The following ROS1 variants were observed in gnomAD, a reference collection of about 807,000 sequenced individuals.
The protein encoded by ROS1 is proto-oncogene tyrosine-protein kinase ROS.
In ROS1, 263 loss-of-function variants were observed where a neutral mutation model predicts 273.5. The ratio of observed to expected loss-of-function variants is 0.96; its 90% CI spans 0.87 to 1.06. ROS1 has a LOEUF of 1.06. Ranked by LOEUF, ROS1 falls within the 50% of genes least tolerant of loss-of-function variation. The pLI is 0.00. For missense variants in ROS1, 2,833 were observed against 2,751.1 expected, an observed-to-expected ratio of 1.03 and a Z score of -0.67; for synonymous variants, 1,008 against 954.1, an observed-to-expected ratio of 1.06 and a Z score of -1.04.
chr6:117,341,613 G>A lies in ROS1; in HGVS notation c.4671C>T (p.Leu1557=), dbSNP rs1353980937. The change falls in exon 30 of 44, where the codon CTC becomes CTT. Residue 1557 remains leucine, a synonymous_variant. Coordinates refer to ENST00000368507, the MANE Select transcript of ROS1 (RefSeq NM_001378902.1). ...TKNGVPEAVQ[L]INTTVRSDTS... is the part of the protein sequence containing the mutation. ...TGTCTGACCGCACAGTTGTATTAAT[G>A]AGCTGCACTGCCTCTGGTACTGAAA... 6.2e-7 allele frequency: 1 copy of A among 1,612,996 alleles called. No homozygotes were observed. The highest frequency in any genetic ancestry group is 1.7e-5 in the Admixed American group (1 of 59,948).
chr6:117,327,299 C>A (rs768335292), intron 33 of ROS1, among the ~76,000 whole-genome samples: 5 of 152,094 alleles, frequency 3.3e-5, no homozygotes, highest in Non-Finnish European at 7.4e-5. Context: ...AGCTGTTCCC[C>A]GGAGCTGAGG....
Position 117,379,066 on chromosome 6 carries a change from C to T in ROS1, c.2575G>A (p.Gly859Arg). 6.2e-7 allele frequency: 1 copy of T among 1,605,556 alleles called. No homozygotes were observed. The highest frequency in any genetic ancestry group is 8.5e-7 in the Non-Finnish European group (1 of 1,174,232). ...CIHLYTAVLR[G>R]QSTGDTTITE... is the part of the protein sequence containing the mutation. ...TTGAGGGACTCTACTTACCTCTGTC[C>T]CCGAAGAACAGCTGTGTACAGGTGA... Residue 859 changes from glycine (G) to arginine (R), a missense_variant, in exon 18 of 44, where the codon GGA becomes AGA. By Grantham distance (125) the Gly-to-Arg change is moderately radical (BLOSUM62 -2). Transcript: ENST00000368507.
chr6:117,348,785 TTTG>T (rs1445955054), intron 27 of ROS1, among the ~76,000 whole-genome samples: 1 of 151,998 alleles, frequency 6.6e-6, no homozygotes, highest in Non-Finnish European at 1.5e-5. Flanking sequence ...GTTTTGATGT[TTTG>T]TTTTCATTTT....
intron 5 of ROS1, among the ~76,000 whole-genome samples, chr6:117,407,049 C>T (rs1400223085): frequency 7.1e-6 from 1 of 141,836 alleles, no homozygotes; most frequent in Non-Finnish European, 1.5e-5. Context: ...ATTTTATCCA[C>T]AGCTAATTCC....
rs1212907497 is a variant in ROS1, at chr6:117,387,781, T to A, written c.1998A>T (p.Pro666=). 3 of 1,610,634 alleles carry A rather than the reference T, an allele frequency of 1.9e-6. No homozygotes were observed. Among genetic ancestry groups the A allele is most frequent in the South Asian group, 2.2e-5 (2 of 90,348 alleles). Residue 666 remains proline (P), a splice_region_variant and synonymous_variant, in exon 14 of 44, where the codon CCA becomes CCT. Transcript: ENST00000368507. ...SEPSVGTTLV[P]ASEPPFIMAV... ...CCTAAATCCAGAACATTTTCTCACC[T>A]GGCACCAGGGTAGTACCCACTGAGG...
At position 117,413,269 on chromosome 6, in the gene ROS1, GT is replaced by G. The variant is rs552733392; in HGVS notation, c.255+1249del. Among the ~76,000 whole-genome samples the G allele has an allele frequency of 2.3e-3, 356 of 152,168 alleles. 2 individuals carry two copies. The highest frequency in any genetic ancestry group is 4.0e-3 in the Non-Finnish European group (269 of 67,996). On this transcript the variant is annotated intron_variant, in intron 4 of 43. Coordinates refer to ENST00000368507, the MANE Select transcript of ROS1 (RefSeq NM_001378902.1). ...AAAAGAATACAACATAGGTTTTAAAGTTTTTTTTCTTTAGGGGACAGTCGTG... is the reference window on the plus strand; with the variant it reads ...AAAAGAATACAACATAGGTTTTAAAGTTTTTTTCTTTAGGGGACAGTCGTG...
intron 33 of ROS1, among the ~76,000 whole-genome samples, chr6:117,327,220 G>T: frequency 6.6e-6 from 1 of 152,184 alleles, no homozygotes; most frequent in East Asian, 1.9e-4. Flanking sequence ...AGAGAGTGAA[G>T]GCTGGCCCTC....
At chr6:117,355,759 C>T (rs568070584) in intron 26 of ROS1, among the ~76,000 whole-genome samples, 13 of 152,014 alleles carry the variant, frequency 8.6e-5, no homozygotes, top group African/African-American at 2.9e-4. Flanking sequence ...TACAGGCATG[C>T]ACCACTGTGC....
intron 43 of ROS1, among the ~76,000 whole-genome samples, chr6:117,291,740 T>G (rs1773850519): frequency 6.6e-6 from 1 of 152,156 alleles, no homozygotes; most frequent in Admixed American, 6.5e-5. Flanking sequence ...TAAAATAAAA[T>G]TAGCTACTAT....
intron 7 of ROS1, 118 bp from the exon 8 acceptor site, chr6:117,397,234 T>G (rs948579676): frequency 3.7e-5 from 25 of 675,442 alleles, no homozygotes; most frequent in Admixed American, 1.1e-4. Context: ...CGAAATAATT[T>G]TATTAATACT....
At chr6:117,407,943 A>G (rs559943274) in intron 5 of ROS1, among the ~76,000 whole-genome samples, 24 of 152,170 alleles carry the variant, frequency 1.6e-4, no homozygotes, top group Non-Finnish European at 2.8e-4. Context: ...TGACAAACCT[A>G]CAAAAACAAG....
chr6:117,389,031 C>T lies in ROS1; in HGVS notation c.1786+319G>A, dbSNP rs563561730. ...AAATTCATGCAAGCTTTCAACAGCA[C>T]AAAAAATCTCAACCCAAGTATTCTA... is the stretch of plus-strand genomic sequence containing the variant. On this transcript the variant is annotated intron_variant, in intron 13 of 43. Transcript: ENST00000368507. Among the ~76,000 whole-genome samples, 22 of 152,136 alleles carry T rather than the reference C, an allele frequency of 1.4e-4. No homozygotes were observed. The South Asian group carries it at 2.3e-3, about 16-fold the overall frequency.
intron 4 of ROS1, among the ~76,000 whole-genome samples, chr6:117,411,043 G>A (rs1774862777): frequency 6.6e-6 from 1 of 152,098 alleles, no homozygotes; most frequent in Non-Finnish European, 1.5e-5. Flanking sequence ...GAGACGAGAT[G>A]TATTTGGAAA....
intron 33 of ROS1, 23 bp downstream of exon 33, chr6:117,329,306 A>T (rs1445165362): frequency 5.7e-6 from 6 of 1,045,636 alleles, no homozygotes; most frequent in Non-Finnish European, 8.8e-6. Flanking sequence ...TGTCATTTAC[A>T]AGTACTTTGC....
At chr6:117,382,700 G>A (rs1471186604) in intron 17 of ROS1, among the ~76,000 whole-genome samples, 1 of 152,068 alleles carries the variant, frequency 6.6e-6, no homozygotes, top group Non-Finnish European at 1.5e-5. Context: ...AAACATTCCT[G>A]TATTTGCAGG....
chr6:117,317,172 TAAG>T lies in ROS1; in HGVS notation c.6085_6087del (p.Leu2029del), dbSNP rs772330915. The T allele has an allele frequency of 1.2e-6, 2 of 1,613,196 alleles. No individual in the cohort carries two copies. The highest frequency in any genetic ancestry group is 1.7e-5 in the Admixed American group (1 of 59,894). Reference sequence around the variant, plus strand: ...GCCATCCGGGCTTTACGCAAATAAGTAAGAAGGTCTCCTCCCTCCATCAGTTCC... The same window carrying T: ...GCCATCCGGGCTTTACGCAAATAAGTAAGGTCTCCTCCCTCCATCAGTTCC... On this transcript the variant is annotated inframe_deletion, in exon 39 of 44. Coordinates refer to ENST00000368507, the MANE Select transcript of ROS1 (RefSeq NM_001378902.1).
At chr6:117,419,874 A>T (rs1211200004) in intron 1 of ROS1, among the ~76,000 whole-genome samples, 2 of 152,114 alleles carry the variant, frequency 1.3e-5, no homozygotes, top group African/African-American at 4.8e-5. Context: ...TGACCATCAA[A>T]TGGTCTTGGG....
intron 1 of ROS1, among the ~76,000 whole-genome samples, chr6:117,420,202 T>C (rs890491922): frequency 6.6e-6 from 1 of 151,984 alleles, no homozygotes; most frequent in African/African-American, 2.4e-5. Flanking sequence ...CTTAACCGGA[T>C]GCCTTCCATA....
At position 117,425,614 on chromosome 6, in the gene ROS1, C is replaced by T; in HGVS notation, c.43G>A (p.Ala15Thr). ...GAAATCCATAGGCAGCCAAGAGTTG[C>T]AAAATTGACAAGCTTCGGAATAAGA... The part of the protein sequence containing the change: ...YCLIPKLVNF[A>T]TLGCLWISVV... The change falls in exon 1 of 44, where the codon GCA becomes ACA. Residue 15 changes from alanine to threonine, a missense_variant. By Grantham distance (58) the Ala-to-Thr change is moderately conservative (BLOSUM62 0). Coordinates refer to ENST00000368507, the MANE Select transcript of ROS1 (RefSeq NM_001378902.1). 1 of 1,612,254 alleles carries T rather than the reference C, an allele frequency of 6.2e-7. No individual in the cohort carries two copies.
Sources: allele counts gnomAD v4.1 joint callset (sites outside exome capture counted in the v4.1 genomes callset), GRCh38; gene constraint gnomAD v4.1.1; transcripts MANE v1.5; gene names NCBI Gene and HGNC (gene_info 2026-07-23, HGNC 2026-07-21).